DLG1: variants seen among roughly 807,000 people sequenced by gnomAD.
The protein encoded by DLG1 is disks large homolog 1.
Under a neutral mutation model 123.4 loss-of-function variants are expected in DLG1, and 42 were observed. That is an observed-to-expected ratio of 0.34 (90% confidence interval 0.27 to 0.44). The LOEUF is 0.44. DLG1 is among the 20% of genes least tolerant of loss of function. DLG1 has a pLI of 1.00. For missense variants in DLG1, 942 were observed against 1,082.6 expected (o/e 0.87, Z 1.82); for synonymous variants, 317 against 356.2 (o/e 0.89, Z 1.24).
intron 5 of DLG1, among the ~76,000 whole-genome samples, chr3:197,191,733 T>A (rs2150233352): frequency 6.6e-6 from 1 of 152,328 alleles, no homozygotes; most frequent in African/African-American, 2.4e-5. Context: ...TTATGTTGTC[T>A]GGAGTAAGAG....
At chr3:197,297,997 GCCGCCTCCTCGCTCGCCGCGGC>G in intron 1 of DLG1, 1 of 901,866 alleles carries the variant, frequency 1.1e-6, no homozygotes, top group South Asian at 5.1e-5. Flanking sequence ...TCTCGGCCGC[GCCGCCTCCTCGCTCGCCGCGGC>G]CCCCCGGCCC....
chr3:197,154,249 C>A (rs1468731836), intron 5 of DLG1, among the ~76,000 whole-genome samples: 1 of 151,912 alleles, frequency 6.6e-6, no homozygotes, highest in Non-Finnish European at 1.5e-5. Flanking sequence ...TTGCAATGAG[C>A]CGAGATGACA....
intron 5 of DLG1, among the ~76,000 whole-genome samples, chr3:197,173,893 C>T (rs1805617091): frequency 6.6e-6 from 1 of 152,120 alleles, no homozygotes; most frequent in South Asian, 2.1e-4. Context: ...CACATGAGGG[C>T]AGTAGTTCAA....
chr3:197,161,662 A>C, intron 5 of DLG1: 1 of 1,555,618 alleles, frequency 6.4e-7, no homozygotes, highest in Non-Finnish European at 8.6e-7. Flanking sequence ...GGGTAGGATG[A>C]CAGTATTCTC....
At chr3:197,094,289 T>C (rs1012377217) in intron 14 of DLG1, among the ~76,000 whole-genome samples, 3 of 152,190 alleles carry the variant, frequency 2.0e-5, no homozygotes, top group Non-Finnish European at 2.9e-5. Context: ...TTTTAACCTA[T>C]TAAGCTTGGG....
At chr3:197,052,794 TG>T (rs1382869567) in intron 23 of DLG1, among the ~76,000 whole-genome samples, 12 of 152,066 alleles carry the variant, frequency 7.9e-5, no homozygotes, top group Admixed American at 1.3e-4. Flanking sequence ...ATGGGAGGTG[TG>T]GCGGGGTGGG....
chr3:197,094,818 T>C lies in DLG1; in HGVS notation c.1547-3792A>G, dbSNP rs1007705952. 4.1e-4 allele frequency among the ~76,000 whole-genome samples: 62 copies of C among 152,204 alleles called. 1 individual carries two copies. Among genetic ancestry groups the C allele is most frequent in the Non-Finnish European group, 1.8e-4 (12 of 68,034 alleles). The stretch of plus-strand genomic sequence containing the variant: ...CTGTTTGATTCAGCTTCTTCCTTTA[T>C]TGAGTATGTTCACTCCATTGTCTTC... On this transcript the variant is annotated intron_variant, in intron 14 of 24. Coordinates refer to ENST00000667157, the MANE Select transcript of DLG1 (RefSeq NM_001366207.1).
intron 4 of DLG1, among the ~76,000 whole-genome samples, chr3:197,245,901 G>C (rs868448502): frequency 7.5e-5 from 4 of 53,514 alleles, no homozygotes; most frequent in East Asian, 8.0e-4. Context: ...TTTTTTTTTT[G>C]GGGGGGGGGG....
At chr3:197,136,969 G>C (rs1785350306) in intron 9 of DLG1, among the ~76,000 whole-genome samples, 1 of 152,084 alleles carries the variant, frequency 6.6e-6, no homozygotes, top group Admixed American at 6.5e-5. Context: ...TTTTACTTTT[G>C]TTTCCATCAT....
At chr3:197,068,415 G>T in intron 19 of DLG1, 1 of 902,944 alleles carries the variant, frequency 1.1e-6, no homozygotes. Context: ...CTATTGTGTA[G>T]AAAAATAATC....
chr3:197,045,532 G>C (rs1212405005), intron 24 of DLG1, among the ~76,000 whole-genome samples: 1 of 151,676 alleles, frequency 6.6e-6, no homozygotes, highest in East Asian at 1.9e-4. Flanking sequence ...CTTGAGGCTA[G>C]GAGTTTGAGA....
intron 9 of DLG1, among the ~76,000 whole-genome samples, chr3:197,137,979 C>A (rs201236899): frequency 1.2e-4 from 17 of 147,748 alleles, no homozygotes; most frequent in African/African-American, 2.7e-4. Flanking sequence ...CTCAAAAAAA[C>A]AAACAAAAAA....
chr3:197,055,215 T>C (rs999903443), intron 23 of DLG1, among the ~76,000 whole-genome samples: 1 of 152,228 alleles, frequency 6.6e-6, no homozygotes, highest in African/African-American at 2.4e-5. Flanking sequence ...GCCTTCTAAG[T>C]GCCAGGATTA....
intron 4 of DLG1, among the ~76,000 whole-genome samples, chr3:197,215,917 T>C (rs956425796): frequency 6.6e-6 from 1 of 152,192 alleles, no homozygotes; most frequent in Non-Finnish European, 1.5e-5. Context: ...TACCTACATA[T>C]ATTTTATACC....
intron 4 of DLG1, among the ~76,000 whole-genome samples, chr3:197,274,776 T>A (rs953859864): frequency 3.3e-5 from 5 of 152,208 alleles, no homozygotes; most frequent in African/African-American, 1.2e-4. Flanking sequence ...AGCAAGTATC[T>A]GATTTTGAAA....
At chr3:197,101,893 G>A (rs532128059) in intron 14 of DLG1, among the ~76,000 whole-genome samples, 10 of 152,024 alleles carry the variant, frequency 6.6e-5, no homozygotes, top group African/African-American at 1.2e-4. Context: ...CTACGGGTGC[G>A]CACTACCACG....
At chr3:197,199,922 A>AAAATGT (rs1724723836) in intron 4 of DLG1, among the ~76,000 whole-genome samples, 1 of 152,182 alleles carries the variant, frequency 6.6e-6, no homozygotes, top group African/African-American at 2.4e-5. Context: ...AAATGATTAT[A>AAAATGT]GTAAGAACAT....
chr3:197,209,237 A>G lies in DLG1; in HGVS notation c.319-14648T>C, dbSNP rs763391061. 1.1e-4 allele frequency among the ~76,000 whole-genome samples: 16 copies of G among 146,582 alleles called. 1 individual carries two copies. Among genetic ancestry groups the G allele is most frequent in the African/African-American group, 1.9e-4 (8 of 41,166 alleles). ...TATAAACTGTAAGCATAAGAAAGCT[A>G]AAGTGCCTATATTAACATATGATAA... On this transcript the variant is annotated intron_variant, in intron 4 of 24. Coordinates refer to ENST00000667157, the MANE Select transcript of DLG1 (RefSeq NM_001366207.1).
intron 16 of DLG1, among the ~76,000 whole-genome samples, chr3:197,083,489 A>G (rs1350987962): frequency 6.6e-6 from 1 of 152,230 alleles, no homozygotes; most frequent in Non-Finnish European, 1.5e-5. Context: ...TAAATAAGCT[A>G]TCTCAGGGGA....
Sources: allele counts gnomAD v4.1 joint callset (sites outside exome capture counted in the v4.1 genomes callset), GRCh38; gene constraint gnomAD v4.1.1; transcripts MANE v1.5; gene names NCBI Gene and HGNC (gene_info 2026-07-23, HGNC 2026-07-21).